The following AHCY variants were observed in gnomAD, a reference collection of about 807,000 sequenced individuals.
AHCY encodes adenosylhomocysteinase, also known as S-adenosyl-L-homocysteine hydrolase.
AHCY carries 24 observed loss-of-function variants against 45.4 expected under a neutral mutation model. The ratio of observed to expected loss-of-function variants is 0.53; its 90% CI spans 0.38 to 0.74. AHCY has a LOEUF of 0.74. AHCY is among the 30% of genes least tolerant of loss of function. The pLI, the probability that AHCY is intolerant of heterozygous loss-of-function variation, is 0.00. For missense variants in AHCY, 449 were observed against 594.1 expected, an observed-to-expected ratio of 0.76 and a Z score of 2.54; for synonymous variants, 245 against 235.1, an observed-to-expected ratio of 1.04 and a Z score of -0.39.
At chr20:34,259,682 G>A in the AHCY span, among the ~76,000 whole-genome samples, 2 of 151,930 alleles carry the variant, frequency 1.3e-5, no homozygotes, top group Admixed American at 6.6e-5. Context: ...CCTGGGAGGT[G>A]GAGGTTGCAG....
rs2036343749 is a variant in AHCY at position 34,290,562 on chromosome 20, G to A, written c.843C>T (p.Ile281=). ...IFVTTTGCID[I]ILGRHFEQMK... ...CATCTGGCACCTACCGGCCAAGGAT[G>A]ATGTCAATACAGCCTGTGGTGGTGA... Residue 281 remains isoleucine, a synonymous_variant, in exon 7 of 10, where the codon ATC becomes ATT. Coordinates refer to ENST00000217426, the MANE Select transcript of AHCY (RefSeq NM_000687.4). The surrounding 1 kb of genome is among the most constrained non-coding windows in gnomAD (Gnocchi z 4.5). The A allele has an allele frequency of 1.9e-6, 3 of 1,614,110 alleles. No homozygotes were observed. The highest frequency in any genetic ancestry group is 1.1e-5 in the South Asian group (1 of 91,086).
chr20:34,271,706 C>G, the AHCY span, among the ~76,000 whole-genome samples: 1 of 151,754 alleles, frequency 6.6e-6, no homozygotes, highest in Non-Finnish European at 1.5e-5. Flanking sequence ...GCTGGGATTA[C>G]AGGCATGCGC....
chr20:34,288,924 T>A (rs1179727646), intron 8 of AHCY, among the ~76,000 whole-genome samples: 2 of 152,220 alleles, frequency 1.3e-5, no homozygotes, highest in Admixed American at 1.3e-4. Context: ...CAATGCCCAA[T>A]GCAAACCTGT....
chr20:34,238,376 T>C, the AHCY span, among the ~76,000 whole-genome samples: 3 of 152,184 alleles, frequency 2.0e-5, no homozygotes, highest in Non-Finnish European at 4.4e-5. Context: ...CTCAGTAATT[T>C]TCATGGTTCT....
chr20:34,256,299 C>T, the AHCY span, among the ~76,000 whole-genome samples: 1 of 152,112 alleles, frequency 6.6e-6, no homozygotes, highest in Non-Finnish European at 1.5e-5. Flanking sequence ...GCCAGGCATT[C>T]GGGGCCATTA....
At chr20:34,304,622 C>T (rs1455846527), upstream of AHCY, among the ~76,000 whole-genome samples, 1 of 151,866 alleles carries the variant, frequency 6.6e-6, no homozygotes, top group Non-Finnish European at 1.5e-5. Context: ...CGGGTTCAAG[C>T]AATTCTCCTG....
Position 34,290,348 on chromosome 20 carries a change from A to G in AHCY, c.956T>C (p.Val319Ala). 1 of 1,613,874 alleles carries G rather than the reference A, an allele frequency of 6.2e-7. No individual in the cohort carries two copies. The highest frequency in any genetic ancestry group is 1.1e-5 in the South Asian group (1 of 91,066). The change falls in exon 8 of 10, where the codon GTG becomes GCG. Residue 319 changes from valine (V) to alanine (A), a missense_variant. Transcript: ENST00000217426. The surrounding 1 kb of genome is among the most constrained non-coding windows in gnomAD (Gnocchi z 4.5). ...KWLNENAVEKVNIKPQVDRYR... is the reference protein window; with the variant it reads ...KWLNENAVEKANIKPQVDRYR... ...GCTTCTCACCTGCGGCTTGATGTTC[A>G]CCTTCTCCACGGCGTTCTCGTTGAG...
the AHCY span, among the ~76,000 whole-genome samples, chr20:34,233,425 G>T: frequency 3.3e-5 from 5 of 152,110 alleles, no homozygotes; most frequent in Non-Finnish European, 5.9e-5. Context: ...GGGATTACAG[G>T]TGTGAGCCAC....
At chr20:34,291,900 C>T (rs2036408854) in intron 4 of AHCY, among the ~76,000 whole-genome samples, 1 of 152,254 alleles carries the variant, frequency 6.6e-6, no homozygotes, top group South Asian at 2.1e-4. Flanking sequence ...CCAGTTATTT[C>T]CCCTTGCTCT....
Position 34,303,224 on chromosome 20 carries a change from T to G in AHCY, c.28+19A>C. 2.6e-6 allele frequency: 4 copies of G among 1,551,216 alleles called. No individual in the cohort carries two copies. Among genetic ancestry groups the G allele is most frequent in the Non-Finnish European group, 3.5e-6 (4 of 1,146,832 alleles). On this transcript the variant is annotated intron_variant, in intron 1 of 9. Coordinates refer to ENST00000217426, the MANE Select transcript of AHCY (RefSeq NM_000687.4). ...CGGGTGCCGGGCGGCCGCAACCGGC[T>G]GCAGGTCCTGGGACTCACCGACTTT...
Position 34,292,265 on chromosome 20 carries a change from G to A in AHCY, c.445+93C>T, listed in dbSNP as rs537767401. 1.8e-5 allele frequency: 27 copies of A among 1,462,966 alleles called. 1 individual carries two copies. The South Asian group carries it at 3.1e-4, about 17-fold the overall frequency. 90.6% of individuals were successfully genotyped at this position (1,462,966 alleles called of 1,614,324 possible). On this transcript the variant is annotated intron_variant, in intron 4 of 9. Transcript: ENST00000217426. ...TCTTCCAGATCCTGCTGCTTGAGGT[G>A]ATGGGAGTCCTGCCAGGCCTGCGGC... is the stretch of plus-strand genomic sequence containing the variant.
chr20:34,235,866 A>AAGGAAAGGAAGG, the AHCY span, among the ~76,000 whole-genome samples: 75 of 36,892 alleles, frequency 2.0e-3, 4 homozygotes, highest in Non-Finnish European at 1.8e-3. Context: ...GGAAGGAAGG[A>AAGGAAAGGAAGG]AAGGAAGGAA....
chr20:34,302,621 A>T (rs2122830828), intron 1 of AHCY: 1 of 985,674 alleles, frequency 1.0e-6, no homozygotes, highest in East Asian at 1.1e-4. Context: ...ATTACACTTC[A>T]ATCGGTGGGA....
chr20:34,303,380 T>A, upstream of AHCY: 1 of 1,469,408 alleles, frequency 6.8e-7, no homozygotes, highest in Non-Finnish European at 9.3e-7. Context: ...CCGACGCCTT[T>A]AAATATCTTC....
chr20:34,265,622 T>C, the AHCY span, among the ~76,000 whole-genome samples: 1 of 151,998 alleles, frequency 6.6e-6, no homozygotes, highest in Non-Finnish European at 1.5e-5. Context: ...AGAAAACTAG[T>C]ATCACTTACC....
At chr20:34,272,125 C>T in the AHCY span, among the ~76,000 whole-genome samples, 1 of 152,056 alleles carries the variant, frequency 6.6e-6, no homozygotes, top group Non-Finnish European at 1.5e-5. Flanking sequence ...ACAGGAATGT[C>T]AGCTCCAACC....
intron 1 of AHCY, chr20:34,302,970 C>A (rs2036832160): frequency 1.0e-6 from 1 of 985,458 alleles, no homozygotes; most frequent in African/African-American, 1.7e-5. Flanking sequence ...TGCTCTCCCG[C>A]GGAGCACGCC....
chr20:34,240,934 G>A, the AHCY span, among the ~76,000 whole-genome samples: 8 of 152,246 alleles, frequency 5.3e-5, 1 homozygote, highest in Admixed American at 6.5e-5. Context: ...AAGGCATGAC[G>A]TTTGCTTGGC....
chr20:34,287,042 C>T (rs974562468), intron 8 of AHCY, among the ~76,000 whole-genome samples: 1 of 152,060 alleles, frequency 6.6e-6, no homozygotes, highest in South Asian at 2.1e-4. Context: ...TTTCTCCCCA[C>T]TCCCAGCTCT....
Sources: gnomAD v4.1 joint callset for allele counts (sites outside exome capture counted in the v4.1 genomes callset) on GRCh38, gnomAD v4.1.1 for gene constraint, Gnocchi (gnomAD v3.1) non-coding constraint, MANE v1.5 for transcripts, NCBI Gene and HGNC (gene_info 2026-07-23, HGNC 2026-07-21) for gene names.